PDE8B: variants seen among roughly 807,000 people sequenced by gnomAD.
The protein encoded by PDE8B is high affinity cAMP-specific and IBMX-insensitive 3',5'-cyclic phosphodiesterase 8B.
In PDE8B, 26 loss-of-function variants were observed where a neutral mutation model predicts 101.3. The observed-to-expected ratio is 0.26, with a 90% CI of 0.19 to 0.36. The LOEUF (loss-of-function observed/expected upper bound fraction) is 0.36, where lower values mean the gene tolerates loss of function less well. PDE8B is among the 10% of genes least tolerant of loss of function. The pLI, the probability that PDE8B is intolerant of heterozygous loss-of-function variation, is 1.00. For missense variants in PDE8B, 810 were observed against 1,163.1 expected, an observed-to-expected ratio of 0.70 and a Z score of 4.42; for synonymous variants, 424 against 429.3, an observed-to-expected ratio of 0.99 and a Z score of 0.15.
intron 1 of PDE8B, among the ~76,000 whole-genome samples, chr5:77,264,959 C>T (rs1486379669): frequency 6.6e-6 from 1 of 152,160 alleles, no homozygotes. Flanking sequence ...CATTGAAGTG[C>T]ATCTCTTTCC....
Position 77,211,353 on chromosome 5 carries a change from G to T in PDE8B, c.339+89G>T. ...GTAGGGGGCTCCGGCGGAGTTGGGT[G>T]ACCGTGAGGCGGTTGGTTTGGAGAG... On this transcript the variant is annotated intron_variant, in intron 1 of 21. Transcript: ENST00000264917. The surrounding 1 kb of genome is among the most constrained non-coding windows in gnomAD (Gnocchi z 4.1). 2 of 1,279,482 alleles carry T rather than the reference G, an allele frequency of 1.6e-6. No homozygotes were observed. The highest frequency in any genetic ancestry group is 1.1e-6 in the Non-Finnish European group (1 of 940,740). 79.3% of individuals were successfully genotyped at this position (1,279,482 alleles called of 1,614,324 possible). A position where few individuals can be genotyped will look rare whatever the true frequency, so the allele number is the denominator to read the frequency against.
the PDE8B span, among the ~76,000 whole-genome samples, chr5:77,125,587 T>C: frequency 6.1e-4 from 93 of 152,316 alleles, no homozygotes; most frequent in African/African-American, 2.2e-3. Context: ...GACGAATGGA[T>C]GTATACACAT....
the PDE8B span, among the ~76,000 whole-genome samples, chr5:77,181,899 G>C: frequency 6.6e-6 from 1 of 152,218 alleles, no homozygotes; most frequent in African/African-American, 2.4e-5. Flanking sequence ...CGCCCTCTCG[G>C]ATTTTATAAC....
intron 1 of PDE8B, among the ~76,000 whole-genome samples, chr5:77,214,796 A>C (rs1473817098): frequency 1.3e-5 from 2 of 152,068 alleles, no homozygotes; most frequent in East Asian, 1.9e-4. Flanking sequence ...GCTGGACTCC[A>C]CTCCCAGAGA....
At chr5:77,209,690 C>T (rs1359925362), upstream of PDE8B, among the ~76,000 whole-genome samples, 2 of 152,130 alleles carry the variant, frequency 1.3e-5, no homozygotes, top group African/African-American at 4.8e-5. Flanking sequence ...GAGGGAAGGC[C>T]TTGTTGACTG....
chr5:77,187,483 A>G, the PDE8B span, among the ~76,000 whole-genome samples: 11 of 152,308 alleles, frequency 7.2e-5, no homozygotes, highest in Non-Finnish European at 1.3e-4. Flanking sequence ...ATGAAAAAAA[A>G]AATCAAAGCA....
At chr5:77,365,923 G>A (rs773842137) in intron 10 of PDE8B, among the ~76,000 whole-genome samples, 5 of 152,226 alleles carry the variant, frequency 3.3e-5, no homozygotes, top group Admixed American at 6.5e-5. Context: ...TTCAGGCACC[G>A]AAGCTCCTCT....
chr5:77,426,698 T>TC lies in PDE8B; in HGVS notation c.*148dup. ...AATATTTGACCTTGAATCATTCAAG[T>TC]CCCCAAATTTCATTCTTAGAAAGTT... is the stretch of plus-strand genomic sequence containing the variant. On this transcript the variant is annotated 3_prime_UTR_variant, in exon 22 of 22. Transcript: ENST00000264917. The TC allele has an allele frequency of 1.5e-6, 1 of 675,184 alleles. No individual in the cohort carries two copies. Among genetic ancestry groups the TC allele is most frequent in the Non-Finnish European group, 2.7e-6 (1 of 367,986 alleles). The allele number at this position is 675,184 out of a possible 1,614,324, so 41.8% of individuals were successfully genotyped here.
the PDE8B span, among the ~76,000 whole-genome samples, chr5:77,137,789 G>A: frequency 6.6e-6 from 1 of 152,124 alleles, no homozygotes; most frequent in South Asian, 2.1e-4. Context: ...TTATGTGGGG[G>A]TAAAATGGCT....
At chr5:77,342,514 GTTT>G (rs34891839) in intron 6 of PDE8B, among the ~76,000 whole-genome samples, 4 of 146,926 alleles carry the variant, frequency 2.7e-5, no homozygotes, top group Non-Finnish European at 6.0e-5. Context: ...ATTTTTCAGA[GTTT>G]TTTTTTTTAA....
chr5:77,386,606 T>A (rs892016904), intron 10 of PDE8B, among the ~76,000 whole-genome samples: 1 of 152,090 alleles, frequency 6.6e-6, no homozygotes, highest in Non-Finnish European at 1.5e-5. Flanking sequence ...CAACCCCTGG[T>A]TTTTTTGCTT....
intron 7 of PDE8B, among the ~76,000 whole-genome samples, chr5:77,345,806 A>G (rs1445104334): frequency 1.3e-5 from 2 of 152,306 alleles, no homozygotes; most frequent in East Asian, 3.9e-4. Context: ...GAGTGTGAGG[A>G]GCACTTATCA....
rs550893888 is a variant in PDE8B, at chr5:77,305,954, A to AG, written c.340-6038dup. ...ACACTCAGTACTGTAGATGGTGGGAAGGAAGGGATTCTAAAGGAGAAGTCA... is the reference window on the plus strand; with the variant it reads ...ACACTCAGTACTGTAGATGGTGGGAAGGGAAGGGATTCTAAAGGAGAAGTCA... On this transcript the variant is annotated intron_variant, in intron 1 of 21. Transcript: ENST00000264917. 3.4e-4 allele frequency among the ~76,000 whole-genome samples: 52 copies of AG among 152,310 alleles called. 1 individual carries two copies. Among genetic ancestry groups the AG allele is most frequent in the Middle Eastern group, 3.4e-3 (1 of 294 alleles).
rs568509300 is a variant in PDE8B at position 77,296,139 on chromosome 5, C to T, written c.340-15855C>T. 2.7e-5 allele frequency among the ~76,000 whole-genome samples: 4 copies of T among 149,486 alleles called. No individual in the cohort carries two copies. In the South Asian group the frequency reaches 6.4e-4, roughly 24 times the overall value. ...TATGGTTACCTGTCCTCCTCTTCTT[C>T]CTCCTCCTCCTCTTCTTCATCATCT... is the stretch of plus-strand genomic sequence containing the variant. On this transcript the variant is annotated intron_variant, in intron 1 of 21. Transcript: ENST00000264917.
chr5:77,297,677 A>G (rs190907867), intron 1 of PDE8B, among the ~76,000 whole-genome samples: 11 of 152,310 alleles, frequency 7.2e-5, no homozygotes, highest in Admixed American at 3.9e-4. Flanking sequence ...AGCAAAGCCC[A>G]GGCTTCTCAC....
At chr5:77,377,415 C>A (rs2150744471) in intron 10 of PDE8B, among the ~76,000 whole-genome samples, 1 of 152,324 alleles carries the variant, frequency 6.6e-6, no homozygotes, top group South Asian at 2.1e-4. Context: ...CCTGCTGAAA[C>A]AAGTGATGGG....
rs1291518159 is a variant in PDE8B, at chr5:77,249,411, C to G, written c.339+38147C>G. 4.6e-5 allele frequency among the ~76,000 whole-genome samples: 7 copies of G among 152,168 alleles called. No homozygotes were observed. In the East Asian group the frequency reaches 1.2e-3, roughly 25 times the overall value. ...GCCACATAGCTTCTAAGTGGCAAAG[C>G]TGAATTCTAGCCTCAGTGTTTGACT... is the stretch of plus-strand genomic sequence containing the variant. On this transcript the variant is annotated intron_variant, in intron 1 of 21. Coordinates refer to ENST00000264917, the MANE Select transcript of PDE8B (RefSeq NM_003719.5).
At chr5:77,357,194 A>G (rs908413374) in intron 10 of PDE8B, among the ~76,000 whole-genome samples, 1 of 152,178 alleles carries the variant, frequency 6.6e-6, no homozygotes, top group Non-Finnish European at 1.5e-5. Context: ...TACTCAGGCA[A>G]GGGGACACCA....
At chr5:77,153,355 T>C in the PDE8B span, among the ~76,000 whole-genome samples, 106,278 of 152,186 alleles carry the variant, frequency 0.7, 37,410 homozygotes, top group East Asian at 0.94. Flanking sequence ...AGTCTTGGCA[T>C]ATAGCAAGTG....
Sources: gnomAD v4.1 joint callset for allele counts (sites outside exome capture counted in the v4.1 genomes callset) on GRCh38, gnomAD v4.1.1 for gene constraint, Gnocchi (gnomAD v3.1) non-coding constraint, MANE v1.5 for transcripts, NCBI Gene and HGNC (gene_info 2026-07-23, HGNC 2026-07-21) for gene names.